WDR37: variants seen among roughly 807,000 people sequenced by gnomAD.
The protein encoded by WDR37 is WD repeat domain 37.
WDR37 carries 19 observed loss-of-function variants against 62.9 expected under a neutral mutation model. The ratio of observed to expected loss-of-function variants is 0.30; its 90% CI spans 0.21 to 0.44. The LOEUF is 0.44. Ranked by LOEUF, WDR37 falls within the 20% of genes least tolerant of loss-of-function variation. The pLI is 1.00. For missense variants in WDR37, 474 were observed against 657.6 expected, an observed-to-expected ratio of 0.72 and a Z score of 3.05; for synonymous variants, 250 against 260.9, an observed-to-expected ratio of 0.96 and a Z score of 0.40.
chr10:1,057,064 G>T, intron 1 of WDR37, 96 bp downstream of exon 1: 1 of 153,702 alleles, frequency 6.5e-6, no homozygotes. Context: ...GGGGGTGCAG[G>T]GGCAGTCGGG....
chr10:1,084,724 G>A (rs1007405141), intron 6 of WDR37, among the ~76,000 whole-genome samples, 186 bp downstream of exon 6: 2 of 152,224 alleles, frequency 1.3e-5, no homozygotes, highest in African/African-American at 2.4e-5. Context: ...CCTGCATTCC[G>A]TGGTCTTGTG....
chr10:1,064,545 T>C (rs189361878), intron 1 of WDR37, among the ~76,000 whole-genome samples: 3 of 148,114 alleles, frequency 2.0e-5, no homozygotes, highest in East Asian at 2.1e-4. Flanking sequence ...GAGATACCAC[T>C]TGACCTGTAG....
chr10:1,080,148 A>G (rs749848013), intron 4 of WDR37, 42 bp downstream of exon 4: 4 of 1,600,800 alleles, frequency 2.5e-6, no homozygotes, highest in East Asian at 2.2e-5. Context: ...CAGATTATAC[A>G]TGCAGGAAAT....
chr10:1,090,625 C>T (rs1399662442), intron 7 of WDR37, among the ~76,000 whole-genome samples: 1 of 152,152 alleles, frequency 6.6e-6, no homozygotes, highest in Non-Finnish European at 1.5e-5. Flanking sequence ...ACTCCCCGCT[C>T]TGGCCCCCAG....
At chr10:1,066,146 T>G (rs921773009) in intron 1 of WDR37, among the ~76,000 whole-genome samples, 2 of 152,088 alleles carry the variant, frequency 1.3e-5, no homozygotes, top group Non-Finnish European at 2.9e-5. Flanking sequence ...AACGGAGTCT[T>G]GCTCTGTCAC....
chr10:1,069,389 A>ATATATATATATATATTTTTTT, intron 1 of WDR37, among the ~76,000 whole-genome samples: 1 of 95,806 alleles, frequency 1.0e-5, no homozygotes, highest in African/African-American at 4.7e-5. Context: ...ATATATATAT[A>ATATATATATATATATTTTTTT]TTTTTTTTTT....
At position 1,056,668 on chromosome 10, in the gene WDR37, G is replaced by A. The variant is rs1833178431; in HGVS notation, c.-341G>A. ...GGCCCAGCAGCCGAAGGGGTCTTCA[G>A]CGCGCCCAGACCCCTCGGGGCTGCG... On this transcript the variant is annotated 5_prime_UTR_variant, in exon 1 of 14. Transcript: ENST00000263150. The A allele has an allele frequency of 6.6e-6, 1 of 152,252 alleles. No individual in the cohort carries two copies. Among genetic ancestry groups the A allele is most frequent in the Admixed American group, 6.5e-5 (1 of 15,290 alleles). 9.4% of individuals were successfully genotyped at this position (152,252 alleles called of 1,614,324 possible). A position where few individuals can be genotyped will look rare whatever the true frequency, so the allele number is the denominator to read the frequency against.
rs150959052 is a variant in WDR37 at position 1,073,889 on chromosome 10, C to T, written c.138+1596C>T. ...TTACTCTCACCACCTCTTTCAGGGC[C>T]CTGCTTCCAAACACAGTCGCATGCT... On this transcript the variant is annotated intron_variant, in intron 2 of 13. Transcript: ENST00000263150. 3.3e-5 allele frequency among the ~76,000 whole-genome samples: 5 copies of T among 152,294 alleles called. No homozygotes were observed. In the South Asian group the frequency reaches 8.3e-4, roughly 25 times the overall value.
rs1002300677 is a variant in WDR37 at position 1,058,732 on chromosome 10, A to G, written c.-41+1764A>G. Among the ~76,000 whole-genome samples, 4 of 152,242 alleles carry G rather than the reference A, an allele frequency of 2.6e-5. No homozygotes were observed. The East Asian group carries it at 7.7e-4, about 29-fold the overall frequency. On this transcript the variant is annotated intron_variant, in intron 1 of 13. Coordinates refer to ENST00000263150, the MANE Select transcript of WDR37 (RefSeq NM_014023.4). Reference sequence around the variant, plus strand: ...ATGACAGATTTCTGAGGTTGCCTGTAGAGACCATTCTCTTCCTCGATATTG... The same window carrying G: ...ATGACAGATTTCTGAGGTTGCCTGTGGAGACCATTCTCTTCCTCGATATTG...
In WDR37 at chr10:1,060,628, AG is replaced by A. The variant is rs1259669101; in HGVS notation, c.-41+3661del. On this transcript the variant is annotated intron_variant, in intron 1 of 13. Transcript: ENST00000263150. ...AGGTAAAACAGTGCATAGAGGTTAA[AG>A]AAGGTTATATTTGGAGTGAAGAAGT... Among the ~76,000 whole-genome samples the A allele has an allele frequency of 3.3e-5, 5 of 152,310 alleles. 1 individual carries two copies. The highest frequency in any genetic ancestry group is 4.8e-5 in the African/African-American group (2 of 41,568).
chr10:1,071,856 AT>A (rs1209961246), intron 1 of WDR37, among the ~76,000 whole-genome samples: 6 of 150,650 alleles, frequency 4.0e-5, no homozygotes, highest in Admixed American at 6.6e-5. Context: ...AGGGAGAGCA[AT>A]TTTTTTTTTA....
At chr10:1,069,279 A>G (rs1238777750) in intron 1 of WDR37, among the ~76,000 whole-genome samples, 4 of 150,922 alleles carry the variant, frequency 2.7e-5, no homozygotes, top group African/African-American at 9.7e-5. Flanking sequence ...TGGGCTGTTT[A>G]TCCAAAAGAA....
chr10:1,065,520 T>G (rs1265720840), intron 1 of WDR37, among the ~76,000 whole-genome samples: 1 of 152,092 alleles, frequency 6.6e-6, no homozygotes, highest in East Asian at 1.9e-4. Context: ...CAAGTGCAGT[T>G]TATTTTGTGG....
chr10:1,069,391 T>TATATATATATATA (rs200599689), intron 1 of WDR37, among the ~76,000 whole-genome samples: 573 of 45,692 alleles, frequency 0.013, no homozygotes, highest in South Asian at 0.021. Flanking sequence ...ATATATATAT[T>TATATATATATATA]TTTTTTTTTT....
At chr10:1,092,242 C>A (rs1296537531) in intron 7 of WDR37, among the ~76,000 whole-genome samples, 1 of 151,338 alleles carries the variant, frequency 6.6e-6, no homozygotes, top group Non-Finnish European at 1.5e-5. Context: ...TGCGGTGGCT[C>A]ACGCCTGTAA....
In WDR37 at chr10:1,074,946, C is replaced by T. The variant is rs74120415; in HGVS notation, c.138+2653C>T. Among the ~76,000 whole-genome samples the T allele has an allele frequency of 8.8e-3, 1,345 of 152,388 alleles. 13 individuals are homozygous for T. Among genetic ancestry groups the T allele is most frequent in the African/African-American group, 0.021 (869 of 41,592 alleles). ...GGCCTGAAGAGCTGGCTGCTTCCCG[C>T]ACGTGCGTGCAGGTGCTTTCAGGTG... On this transcript the variant is annotated intron_variant, in intron 2 of 13. Coordinates refer to ENST00000263150, the MANE Select transcript of WDR37 (RefSeq NM_014023.4).
At chr10:1,078,982 T>C (rs1457106693) in intron 3 of WDR37, among the ~76,000 whole-genome samples, 1 of 152,250 alleles carries the variant, frequency 6.6e-6, no homozygotes, top group East Asian at 1.9e-4. Context: ...AATATAATCC[T>C]CTGTCATTTA....
intron 7 of WDR37, among the ~76,000 whole-genome samples, chr10:1,090,617 TC>T (rs59961913): frequency 0.14 from 20,706 of 152,052 alleles, 1,653 homozygotes; most frequent in East Asian, 0.18. Flanking sequence ...AACAGCAGAC[TC>T]CCCGCTCTGG....
chr10:1,072,412 G>T lies in WDR37; in HGVS notation c.138+119G>T, dbSNP rs1239143668. 5.1e-6 allele frequency: 7 copies of T among 1,366,750 alleles called. No homozygotes were observed. In the African/African-American group the frequency reaches 1.0e-4, roughly 20 times the overall value. 84.7% of individuals were successfully genotyped at this position (1,366,750 alleles called of 1,614,324 possible). On this transcript the variant is annotated intron_variant, in intron 2 of 13. Coordinates refer to ENST00000263150, the MANE Select transcript of WDR37 (RefSeq NM_014023.4). The stretch of plus-strand genomic sequence containing the variant: ...CGCTCACAACCTCCACCTCCTGGGT[G>T]GAAGTGATTCTCCTGCCTCAGCCTA...
Sources: allele counts gnomAD v4.1 joint callset (sites outside exome capture counted in the v4.1 genomes callset), GRCh38; gene constraint gnomAD v4.1.1; transcripts MANE v1.5; gene names NCBI Gene and HGNC (gene_info 2026-07-23, HGNC 2026-07-21).